Variants in RNF150 observed in about 807,000 individuals in gnomAD.
The protein encoded by RNF150 is ring finger protein 150.
RNF150 carries 24 observed loss-of-function variants against 39.3 expected under a neutral mutation model. That is an observed-to-expected ratio of 0.61 (90% confidence interval 0.44 to 0.86). The LOEUF (loss-of-function observed/expected upper bound fraction) is 0.86. RNF150 is among the 40% of genes least tolerant of loss of function. RNF150 has a pLI of 0.00. For missense variants in RNF150, 502 were observed against 587.8 expected, an observed-to-expected ratio of 0.85 and a Z score of 1.51; for synonymous variants, 255 against 227.3, an observed-to-expected ratio of 1.12 and a Z score of -1.10.
intron 1 of RNF150, among the ~76,000 whole-genome samples, chr4:141,085,841 A>G (rs1257511135): frequency 6.6e-6 from 1 of 152,238 alleles, no homozygotes; most frequent in Admixed American, 6.5e-5. Context: ...TAATCAGAGT[A>G]TAAGACACTA....
intron 1 of RNF150, among the ~76,000 whole-genome samples, chr4:140,992,837 G>A (rs779112626): frequency 2.6e-5 from 4 of 152,092 alleles, no homozygotes; most frequent in Admixed American, 6.6e-5. Context: ...GGATTTGGCG[G>A]CATGTCAAGG....
At chr4:141,131,454 G>A (rs1279859953) in intron 1 of RNF150, among the ~76,000 whole-genome samples, 1 of 152,202 alleles carries the variant, frequency 6.6e-6, no homozygotes, top group East Asian at 1.9e-4. Context: ...TAACAAGCCT[G>A]GGGATGGCTT....
chr4:140,881,116 G>T lies in RNF150; in HGVS notation c.1199-12737C>A, dbSNP rs189565415. Among the ~76,000 whole-genome samples, 178 of 149,362 alleles carry T rather than the reference G, an allele frequency of 1.2e-3. 3 individuals carry two copies. The highest frequency in any genetic ancestry group is 1.5e-4 in the Non-Finnish European group (10 of 67,394). On this transcript the variant is annotated intron_variant, in intron 6 of 6. Transcript: ENST00000515673. ...TGAGGTATAAAGTTTGGTTCTTTGA[G>T]ATCTTTCTTTTTTAATGTAGTCATT... is the stretch of plus-strand genomic sequence containing the variant.
rs558106054 is a variant in RNF150, at chr4:140,959,572, T to G, written c.735+8051A>C. 2.8e-4 allele frequency among the ~76,000 whole-genome samples: 42 copies of G among 151,704 alleles called. No homozygotes were observed. In the Middle Eastern group the frequency reaches 0.027, roughly 98 times the overall value. The stretch of plus-strand genomic sequence containing the variant: ...ACAGACCAAGGTCTCCAAAGGAAAA[T>G]GGTCTCAAGAAAAAATGATAGGGCT... On this transcript the variant is annotated intron_variant, in intron 2 of 6. Transcript: ENST00000515673.
intron 1 of RNF150, among the ~76,000 whole-genome samples, chr4:141,033,483 A>G (rs1398789599): frequency 6.6e-6 from 1 of 152,176 alleles, no homozygotes; most frequent in Non-Finnish European, 1.5e-5. Context: ...ACTCCTGTAA[A>G]TGTTGATATT....
At chr4:141,131,530 GTT>G (rs1259680726) in intron 1 of RNF150, among the ~76,000 whole-genome samples, 1 of 152,200 alleles carries the variant, frequency 6.6e-6, no homozygotes, top group Non-Finnish European at 1.5e-5. Context: ...GCGGTATTGA[GTT>G]TTGGGACAGT....
At chr4:141,167,158 G>T (rs1430251750) in intron 1 of RNF150, among the ~76,000 whole-genome samples, 1 of 151,922 alleles carries the variant, frequency 6.6e-6, no homozygotes, top group Non-Finnish European at 1.5e-5. Context: ...TAATAGACAA[G>T]CAGAGAGCCA....
chr4:141,113,110 T>C (rs1739439900), intron 1 of RNF150, among the ~76,000 whole-genome samples: 1 of 152,080 alleles, frequency 6.6e-6, no homozygotes, highest in Non-Finnish European at 1.5e-5. Context: ...CTGGTTATTC[T>C]AGTTAGCAAT....
In RNF150 at chr4:141,027,912, G is replaced by GTTTTTTTTTTTT. The variant is rs749317137; in HGVS notation, c.485-60051_485-60040dup. 1.4e-3 allele frequency among the ~76,000 whole-genome samples: 37 copies of GTTTTTTTTTTTT among 27,098 alleles called. 6 individuals are homozygous for GTTTTTTTTTTTT. The highest frequency in any genetic ancestry group is 1.8e-3 in the Non-Finnish European group (21 of 11,592). The allele number at this position is 27,098 out of a possible 152,430, so 17.8% of individuals were successfully genotyped here. On this transcript the variant is annotated intron_variant, in intron 1 of 6. Transcript: ENST00000515673. ...TAGATAGTTAATGAGCTTGGAATTT[G>GTTTTTTTTTTTT]TTTTTTTTTTTTTGTTTTTTTTTTT...
chr4:141,041,767 T>C (rs1736384328), intron 1 of RNF150, among the ~76,000 whole-genome samples: 1 of 152,118 alleles, frequency 6.6e-6, no homozygotes, highest in African/African-American at 2.4e-5. Context: ...AGTGAATGTT[T>C]TTGAGCATAT....
At chr4:140,999,316 T>C (rs909441892) in intron 1 of RNF150, among the ~76,000 whole-genome samples, 1 of 152,182 alleles carries the variant, frequency 6.6e-6, no homozygotes, top group Admixed American at 6.5e-5. Context: ...ATCCAGCACT[T>C]GAAAGAGAAA....
At chr4:141,115,892 C>T (rs919632382) in intron 1 of RNF150, among the ~76,000 whole-genome samples, 4 of 152,086 alleles carry the variant, frequency 2.6e-5, no homozygotes, top group African/African-American at 9.7e-5. Context: ...ACAATGGGGA[C>T]AGGATTCCCT....
Position 141,122,472 on chromosome 4 carries a change from G to A in RNF150, c.484+9853C>T, listed in dbSNP as rs113003653. Among the ~76,000 whole-genome samples the A allele has an allele frequency of 9.1e-3, 1,391 of 152,352 alleles. 48 individuals are homozygous for A. In the East Asian group the frequency reaches 0.12, roughly 13 times the overall value. ...CATGCTCCTGAGTGAGCAAACATCT[G>A]AAGACTTCATCATACGGGCTATTAT... On this transcript the variant is annotated intron_variant, in intron 1 of 6. Transcript: ENST00000515673.
intron 1 of RNF150, among the ~76,000 whole-genome samples, chr4:141,159,507 CT>C (rs1225819258): frequency 6.6e-6 from 1 of 151,866 alleles, no homozygotes; most frequent in East Asian, 1.9e-4. Context: ...TTGCTGACCC[CT>C]AATTGTTGTT....
At chr4:141,185,541 T>C (rs1396194223) in intron 1 of RNF150, among the ~76,000 whole-genome samples, 1 of 152,150 alleles carries the variant, frequency 6.6e-6, no homozygotes, top group Non-Finnish European at 1.5e-5. Context: ...TGCCTCATTG[T>C]CCTGGTCCAA....
chr4:141,070,129 G>A (rs1306728956), intron 1 of RNF150, among the ~76,000 whole-genome samples: 1 of 152,126 alleles, frequency 6.6e-6, no homozygotes, highest in Non-Finnish European at 1.5e-5. Flanking sequence ...AAGCAATGGG[G>A]AAAGGATTCC....
At chr4:140,918,406 C>A (rs886105495) in intron 5 of RNF150, among the ~76,000 whole-genome samples, 19 of 152,174 alleles carry the variant, frequency 1.2e-4, no homozygotes, top group African/African-American at 1.9e-4. Flanking sequence ...GTACAAACAC[C>A]TCTACACAAA....
At chr4:140,937,521 A>G (rs1381801311) in intron 4 of RNF150, among the ~76,000 whole-genome samples, 1 of 152,210 alleles carries the variant, frequency 6.6e-6, no homozygotes, top group East Asian at 1.9e-4. Context: ...TTGGCCTCCC[A>G]AAGTGCTGGG....
chr4:141,021,111 T>C (rs982493341), intron 1 of RNF150, among the ~76,000 whole-genome samples: 3 of 152,084 alleles, frequency 2.0e-5, no homozygotes, highest in Non-Finnish European at 4.4e-5. Context: ...AAGGTGGGAT[T>C]CTGGATAAAA....
Sources: allele counts gnomAD v4.1 joint callset (sites outside exome capture counted in the v4.1 genomes callset), GRCh38; gene constraint gnomAD v4.1.1; transcripts MANE v1.5; gene names NCBI Gene and HGNC (gene_info 2026-07-23, HGNC 2026-07-21).